IL1RAPL1: variants seen among roughly 807,000 people sequenced by gnomAD.
IL1RAPL1 encodes the protein interleukin-1 receptor accessory protein-like 1.
In IL1RAPL1, 3 loss-of-function variants were observed where a neutral mutation model predicts 48.4. That is an observed-to-expected ratio of 0.06 (90% CI 0.03 to 0.16). The LOEUF (loss-of-function observed/expected upper bound fraction) is 0.16. IL1RAPL1 is among the 10% of genes least tolerant of loss of function. The probability of loss-of-function intolerance (pLI) is 1.00; values close to 1 mark genes in which losing one functional copy is unlikely to be tolerated. For missense variants in IL1RAPL1, 349 were observed against 530.6 expected, an observed-to-expected ratio of 0.66 and a Z score of 3.36; for synonymous variants, 185 against 187.7, an observed-to-expected ratio of 0.99 and a Z score of 0.12.
At chrX:29,604,509 G>A (rs1175047957) in intron 5 of IL1RAPL1, among the ~76,000 whole-genome samples, 1 of 110,915 alleles carries the variant, frequency 9.0e-6, no homozygotes, top group Non-Finnish European at 1.9e-5. Context: ...TGCGATCTCC[G>A]CTCACTGTAG....
At chrX:29,310,121 AAAAAAAAAG>A in intron 3 of IL1RAPL1, among the ~76,000 whole-genome samples, 1 of 89,061 alleles carries the variant, frequency 1.1e-5, no homozygotes, top group African/African-American at 4.9e-5. Context: ...AAAAAAAAAA[AAAAAAAAAG>A]AAAGGAAAAA....
At chrX:29,258,829 T>A (rs941437762) in intron 2 of IL1RAPL1, among the ~76,000 whole-genome samples, 2 of 111,326 alleles carry the variant, frequency 1.8e-5, no homozygotes, top group Middle Eastern at 4.7e-3. Context: ...TAGACTATAT[T>A]TTTTTTGTTC....
In IL1RAPL1 at chrX:28,744,493, T is replaced by C. The variant is rs371442999; in HGVS notation, c.-24-44827T>C. Reference sequence around the variant, plus strand: ...TCCTGTCAAAGCATATGCTCTTAACTATAAAGGTACAGTGATGCTTTTGCA... The same window carrying C: ...TCCTGTCAAAGCATATGCTCTTAACCATAAAGGTACAGTGATGCTTTTGCA... On this transcript the variant is annotated intron_variant, in intron 1 of 10. Coordinates refer to ENST00000378993, the MANE Select transcript of IL1RAPL1 (RefSeq NM_014271.4). Among the ~76,000 whole-genome samples, 98 of 111,585 alleles carry C rather than the reference T, an allele frequency of 8.8e-4. 1 individual carries two copies. The South Asian group carries it at 0.036, about 42-fold the overall frequency.
Position 29,081,016 on chromosome X carries a change from C to CTTTTCTTTTCTTTTCTTT in IL1RAPL1, c.83-201921_83-201920insTTTCTTTTCTTTTCTTTT, listed in dbSNP as rs1360869206. Reference sequence around the variant, plus strand: ...TCTTTCTCTCTCTCTCTCTCTCTCTCTCTCTTTCTTTTCTTTTCTTTTCTT... The same window carrying CTTTTCTTTTCTTTTCTTT: ...TCTTTCTCTCTCTCTCTCTCTCTCTCTTTTCTTTTCTTTTCTTTTCTCTTTCTTTTCTTTTCTTTTCTT... On this transcript the variant is annotated intron_variant, in intron 2 of 10. Transcript: ENST00000378993. Among the ~76,000 whole-genome samples the CTTTTCTTTTCTTTTCTTT allele has an allele frequency of 9.2e-4, 50 of 54,400 alleles. 1 individual carries two copies. Among genetic ancestry groups the CTTTTCTTTTCTTTTCTTT allele is most frequent in the Non-Finnish European group, 1.3e-3 (37 of 28,973 alleles). 47.2% of individuals were successfully genotyped at this position (54,400 alleles called of 115,157 possible). A position where few individuals can be genotyped will look rare whatever the true frequency, so the allele number is the denominator to read the frequency against.
intron 2 of IL1RAPL1, among the ~76,000 whole-genome samples, chrX:29,223,765 G>A (rs1027852591): frequency 3.7e-4 from 41 of 109,607 alleles, no homozygotes; most frequent in African/African-American, 1.2e-3. Context: ...GGCTGGTCTC[G>A]ATCTCCTGAC....
intron 2 of IL1RAPL1, among the ~76,000 whole-genome samples, chrX:29,279,162 G>A (rs1190235634): frequency 8.9e-6 from 1 of 112,304 alleles, no homozygotes; most frequent in Non-Finnish European, 1.9e-5. Context: ...ATGCAGGCCG[G>A]GCTTGGTGGC....
Position 29,284,972 on chromosome X carries a change from G to A in IL1RAPL1, c.362+1755G>A, listed in dbSNP as rs749763572. On this transcript the variant is annotated intron_variant, in intron 3 of 10. Transcript: ENST00000378993. ...TAGATTTTAATTTCATATCTGCTGT[G>A]TTTCTTTTTAAAAATCATTATTTCT... 9.9e-4 allele frequency among the ~76,000 whole-genome samples: 110 copies of A among 111,557 alleles called. 1 individual carries two copies. Among genetic ancestry groups the A allele is most frequent in the Admixed American group, 5.7e-4 (6 of 10,529 alleles).
At chrX:29,186,211 C>T (rs1200040200) in intron 2 of IL1RAPL1, among the ~76,000 whole-genome samples, 20 of 111,712 alleles carry the variant, frequency 1.8e-4, no homozygotes, top group African/African-American at 5.8e-4. Flanking sequence ...TTTTAAACAG[C>T]TAGATACATG....
At chrX:29,939,195 C>G (rs1322832612) in intron 8 of IL1RAPL1, among the ~76,000 whole-genome samples, 1 of 112,023 alleles carries the variant, frequency 8.9e-6, no homozygotes, top group Non-Finnish European at 1.9e-5. Context: ...GGTACTCTCA[C>G]TAGCAATGTT....
intron 2 of IL1RAPL1, among the ~76,000 whole-genome samples, chrX:29,141,838 T>C (rs180954563): frequency 4.0e-4 from 45 of 112,187 alleles, no homozygotes; most frequent in African/African-American, 1.4e-3. Context: ...TTGCAGCATA[T>C]TGTCAATATC....
intron 2 of IL1RAPL1, among the ~76,000 whole-genome samples, chrX:29,277,413 A>G (rs138371594): frequency 0.084 from 9,467 of 112,156 alleles, 420 homozygotes; most frequent in Non-Finnish European, 0.12. Context: ...TCCCACACAG[A>G]TGCATGGGAC....
At chrX:29,166,390 C>T (rs1929786030) in intron 2 of IL1RAPL1, among the ~76,000 whole-genome samples, 1 of 111,897 alleles carries the variant, frequency 8.9e-6, no homozygotes, top group African/African-American at 3.2e-5. Flanking sequence ...TTAATTCTAC[C>T]TGCTTACTGT....
chrX:29,379,034 A>G (rs767459993), intron 3 of IL1RAPL1, among the ~76,000 whole-genome samples: 1 of 112,035 alleles, frequency 8.9e-6, no homozygotes, highest in Non-Finnish European at 1.9e-5. Flanking sequence ...CTCCTCCCCC[A>G]CTAGAGTGTT....
intron 1 of IL1RAPL1, among the ~76,000 whole-genome samples, chrX:28,669,876 C>A (rs1184467039): frequency 1.0e-4 from 11 of 106,602 alleles, no homozygotes; most frequent in African/African-American, 3.8e-4. Context: ...ATTGCTGAGG[C>A]TGGAAAGGAT....
intron 6 of IL1RAPL1, among the ~76,000 whole-genome samples, chrX:29,770,675 T>G (rs1227012272): frequency 1.8e-5 from 2 of 112,376 alleles, no homozygotes; most frequent in Non-Finnish European, 3.8e-5. Context: ...AATCTGTGTT[T>G]TAGCTGCCAT....
intron 5 of IL1RAPL1, among the ~76,000 whole-genome samples, chrX:29,656,443 A>G (rs1925683169): frequency 9.1e-6 from 1 of 110,115 alleles, no homozygotes; most frequent in Non-Finnish European, 1.9e-5. Context: ...CCAACTCCCC[A>G]GAGTCCATTA....
chrX:28,829,872 AT>A (rs1290075079), intron 2 of IL1RAPL1, among the ~76,000 whole-genome samples: 9 of 106,092 alleles, frequency 8.5e-5, no homozygotes, highest in South Asian at 4.0e-4. Context: ...ATTTTTTCAG[AT>A]TTTTTTTTTC....
chrX:29,851,421 A>C (rs1283593591), intron 6 of IL1RAPL1, among the ~76,000 whole-genome samples: 1 of 112,060 alleles, frequency 8.9e-6, no homozygotes, highest in Non-Finnish European at 1.9e-5. Flanking sequence ...GCACCCATGC[A>C]AACAAGAACA....
chrX:29,468,997 G>A (rs1443626308), intron 5 of IL1RAPL1, among the ~76,000 whole-genome samples: 5 of 111,365 alleles, frequency 4.5e-5, no homozygotes, highest in East Asian at 5.6e-4. Flanking sequence ...GGGGGAGTCC[G>A]TGAAAAAAAT....
Sources: gnomAD v4.1 joint callset for allele counts (sites outside exome capture counted in the v4.1 genomes callset) on GRCh38, gnomAD v4.1.1 for gene constraint, MANE v1.5 for transcripts, NCBI Gene and HGNC (gene_info 2026-07-23, HGNC 2026-07-21) for gene names.